Variants in ARHGAP42 observed in about 807,000 individuals in gnomAD.
ARHGAP42 encodes rho GTPase-activating protein 42.
Under a neutral mutation model 125.0 loss-of-function variants are expected in ARHGAP42, and 63 were observed. The ratio of observed to expected loss-of-function variants is 0.50; its 90% confidence interval spans 0.41 to 0.62. The LOEUF (loss-of-function observed/expected upper bound fraction) is 0.62. Ranked by LOEUF, ARHGAP42 falls within the 20% of genes least tolerant of loss-of-function variation. The probability of loss-of-function intolerance (pLI) is 0.00; values close to 1 mark genes in which losing one functional copy is unlikely to be tolerated. For missense variants in ARHGAP42, 766 were observed against 1,024.2 expected (o/e 0.75, Z 3.44); for synonymous variants, 339 against 351.0 (o/e 0.97, Z 0.38).
At chr11:100,965,052 A>G (rs189540270) in intron 16 of ARHGAP42, among the ~76,000 whole-genome samples, 31 of 152,234 alleles carry the variant, frequency 2.0e-4, no homozygotes, top group African/African-American at 7.5e-4. Context: ...GCCTCCTCAC[A>G]TGGCAGCAGG....
chr11:100,776,354 G>A (rs779462825), intron 2 of ARHGAP42, among the ~76,000 whole-genome samples: 1 of 152,166 alleles, frequency 6.6e-6, no homozygotes, highest in South Asian at 2.1e-4. Context: ...GTCTTGAACA[G>A]TATGAGCTTT....
rs1865324980 is a variant in ARHGAP42, at chr11:100,856,463, C to T, written c.313-3091C>T. 1.3e-5 allele frequency among the ~76,000 whole-genome samples: 2 copies of T among 151,994 alleles called. 1 individual carries two copies. Among genetic ancestry groups the T allele is most frequent in the South Asian group, 4.1e-4 (2 of 4,826 alleles). ...AATGTATAAAGATGAGGCTCACAAGCAGCCAAATTGGTTTGTAAATCCACT... is the reference window on the plus strand; with the variant it reads ...AATGTATAAAGATGAGGCTCACAAGTAGCCAAATTGGTTTGTAAATCCACT... On this transcript the variant is annotated intron_variant, in intron 3 of 23. Coordinates refer to ENST00000298815, the MANE Select transcript of ARHGAP42 (RefSeq NM_152432.4).
intron 2 of ARHGAP42, among the ~76,000 whole-genome samples, chr11:100,792,475 C>T (rs951013586): frequency 1.3e-5 from 2 of 152,016 alleles, no homozygotes; most frequent in Non-Finnish European, 1.5e-5. Flanking sequence ...TTTTCAAGAC[C>T]GTGATTGTCC....
At chr11:100,690,636 G>A (rs189722060) in intron 1 of ARHGAP42, among the ~76,000 whole-genome samples, 6 of 151,632 alleles carry the variant, frequency 4.0e-5, no homozygotes, top group East Asian at 1.9e-4. Context: ...TCGCTCTGTC[G>A]CCCAGGCTGG....
At chr11:100,920,416 A>G (rs1036074686) in intron 5 of ARHGAP42, among the ~76,000 whole-genome samples, 1 of 152,188 alleles carries the variant, frequency 6.6e-6, no homozygotes, top group Non-Finnish European at 1.5e-5. Context: ...AGTCTTACCA[A>G]TAAAATCTTT....
chr11:100,878,878 G>T (rs1001418427), intron 4 of ARHGAP42, among the ~76,000 whole-genome samples: 1 of 151,748 alleles, frequency 6.6e-6, no homozygotes, highest in Admixed American at 6.6e-5. Flanking sequence ...ATTCTTTGGG[G>T]AGTTACATAT....
chr11:100,927,488 G>T (rs1427999562), intron 6 of ARHGAP42, among the ~76,000 whole-genome samples: 1 of 152,140 alleles, frequency 6.6e-6, no homozygotes, highest in African/African-American at 2.4e-5. Flanking sequence ...TAAATCTAAA[G>T]TTCAGGGTAT....
At chr11:100,884,763 T>A (rs1866046909) in intron 4 of ARHGAP42, among the ~76,000 whole-genome samples, 1 of 152,210 alleles carries the variant, frequency 6.6e-6, no homozygotes, top group African/African-American at 2.4e-5. Context: ...ATGAAATTTA[T>A]CATTCGTATT....
chr11:100,947,454 G>A (rs1466311390), intron 10 of ARHGAP42, among the ~76,000 whole-genome samples: 1 of 151,680 alleles, frequency 6.6e-6, no homozygotes, highest in Non-Finnish European at 1.5e-5. Flanking sequence ...TCTGTACTTA[G>A]GTTTTTTCAT....
At chr11:100,760,921 C>T (rs1203672012) in intron 1 of ARHGAP42, among the ~76,000 whole-genome samples, 1 of 152,034 alleles carries the variant, frequency 6.6e-6, no homozygotes, top group Non-Finnish European at 1.5e-5. Context: ...CTGAGGCTAA[C>T]ATACTGAGGC....
intron 1 of ARHGAP42, among the ~76,000 whole-genome samples, chr11:100,746,350 C>T (rs1201197521): frequency 6.6e-6 from 1 of 152,132 alleles, no homozygotes; most frequent in Non-Finnish European, 1.5e-5. Context: ...CAGAGAGAGA[C>T]ATTGGCACGA....
chr11:100,766,671 T>G (rs1389527627), intron 1 of ARHGAP42, among the ~76,000 whole-genome samples: 2 of 152,206 alleles, frequency 1.3e-5, no homozygotes, highest in Non-Finnish European at 2.9e-5. Context: ...ATGAGCTGGA[T>G]TCCTCATTTT....
chr11:100,754,116 A>G (rs916831356), intron 1 of ARHGAP42, among the ~76,000 whole-genome samples: 1 of 152,222 alleles, frequency 6.6e-6, no homozygotes, highest in Admixed American at 6.5e-5. Flanking sequence ...TTATAACTAC[A>G]TGATAAAATG....
chr11:100,971,944 C>T (rs1474109629), intron 17 of ARHGAP42, among the ~76,000 whole-genome samples: 1 of 152,170 alleles, frequency 6.6e-6, no homozygotes, highest in Non-Finnish European at 1.5e-5. Flanking sequence ...TTACATACTA[C>T]TTTCCTGAGT....
chr11:100,844,361 A>AG (rs1865013027), intron 3 of ARHGAP42, among the ~76,000 whole-genome samples: 1 of 145,116 alleles, frequency 6.9e-6, no homozygotes, highest in African/African-American at 2.9e-5. Flanking sequence ...AGAATATTGT[A>AG]AGAATCCTTT....
intron 3 of ARHGAP42, among the ~76,000 whole-genome samples, chr11:100,852,338 AATTT>A (rs1391420313): frequency 1.3e-5 from 2 of 152,162 alleles, no homozygotes; most frequent in Non-Finnish European, 2.9e-5. Context: ...TATGACTGGG[AATTT>A]ATTTAATGCA....
Position 100,770,413 on chromosome 11 carries a change from T to C in ARHGAP42, c.225T>C (p.Ala75=). The C allele has an allele frequency of 1.3e-6, 2 of 1,550,080 alleles. No individual in the cohort carries two copies. The change falls in exon 2 of 24, where the codon GCT becomes GCC. Residue 75 remains alanine, a synonymous_variant. Coordinates refer to ENST00000298815, the MANE Select transcript of ARHGAP42 (RefSeq NM_152432.4). ...QDFQFECIGD[A]ETDDEISIAQ... ...TCCAGTTTGAATGTATTGGTGATGC[T>C]GAAACAGATGATGAAATTAGTATTG...
At chr11:100,891,339 A>G (rs1390433003) in intron 4 of ARHGAP42, among the ~76,000 whole-genome samples, 3 of 152,020 alleles carry the variant, frequency 2.0e-5, no homozygotes, top group East Asian at 1.9e-4. Flanking sequence ...TCAGTCTAAA[A>G]ACATTTATTA....
chr11:100,755,525 G>A (rs1862550445), intron 1 of ARHGAP42, among the ~76,000 whole-genome samples: 1 of 152,180 alleles, frequency 6.6e-6, no homozygotes, highest in East Asian at 1.9e-4. Flanking sequence ...GAGAGTCCTT[G>A]CCAAAATATT....
Sources: gnomAD v4.1 joint callset for allele counts (sites outside exome capture counted in the v4.1 genomes callset) on GRCh38, gnomAD v4.1.1 for gene constraint, MANE v1.5 for transcripts, NCBI Gene and HGNC (gene_info 2026-07-23, HGNC 2026-07-21) for gene names.